The following CFAP69 variants were observed in gnomAD, a reference collection of about 807,000 sequenced individuals.
CFAP69 encodes the protein cilia- and flagella-associated protein 69.
A neutral mutation model predicts 123.0 loss-of-function variants in CFAP69; 92 were observed. The observed-to-expected ratio is 0.75, with a 90% confidence interval of 0.63 to 0.89. The LOEUF (loss-of-function observed/expected upper bound fraction) is 0.89, where lower values mean the gene tolerates loss of function less well. Ranked by LOEUF, CFAP69 falls within the 40% of genes least tolerant of loss-of-function variation. The pLI is 0.00. For synonymous variants in CFAP69, 380 were observed against 364.3 expected (o/e 1.04, Z -0.49); for missense variants, 1,067 against 1,096.9 (o/e 0.97, Z 0.39).
At chr7:90,312,220 C>G (rs1028346825), downstream of CFAP69, among the ~76,000 whole-genome samples, 12 of 152,100 alleles carry the variant, frequency 7.9e-5, no homozygotes, top group Non-Finnish European at 1.8e-4. Context: ...AAGATTCAGC[C>G]AACAAAATAC....
intron 17 of CFAP69, chr7:90,300,581 G>T: frequency 2.4e-6 from 1 of 414,578 alleles, no homozygotes; most frequent in Non-Finnish European, 3.2e-6. Flanking sequence ...AAATTAATGA[G>T]ACTTACAGTA....
chr7:90,287,679 G>C, intron 14 of CFAP69: 1 of 985,454 alleles, frequency 1.0e-6, no homozygotes, highest in Non-Finnish European at 1.2e-6. Context: ...CCTGTGCCTG[G>C]GCTCCTCTGG....
intron 17 of CFAP69, chr7:90,300,279 A>AT: frequency 1.1e-6 from 1 of 925,854 alleles, no homozygotes; most frequent in Non-Finnish European, 1.3e-6. Flanking sequence ...AAGAAATGGT[A>AT]TTTAATTATA....
At chr7:90,258,655 A>T (rs1490692578) in intron 3 of CFAP69, among the ~76,000 whole-genome samples, 1 of 152,236 alleles carries the variant, frequency 6.6e-6, no homozygotes, top group African/African-American at 2.4e-5. Context: ...ACATAGTTAC[A>T]GGTTCCAGGA....
intron 1 of CFAP69, chr7:90,251,922 G>T (rs548119514): frequency 6.6e-6 from 1 of 152,154 alleles, no homozygotes; most frequent in African/African-American, 2.4e-5. Context: ...TCCTGCAATT[G>T]GGGTGGCCCA....
At chr7:90,270,647 T>G (rs1799817708) in intron 6 of CFAP69, among the ~76,000 whole-genome samples, 1 of 152,030 alleles carries the variant, frequency 6.6e-6, no homozygotes, top group Non-Finnish European at 1.5e-5. Flanking sequence ...TAAGACAAAC[T>G]GACAGATACC....
chr7:90,274,087 C>G lies in CFAP69; in HGVS notation c.961C>G (p.Gln321Glu). 6.3e-7 allele frequency: 1 copy of G among 1,597,332 alleles called. No homozygotes were observed. The highest frequency in any genetic ancestry group is 8.5e-7 in the Non-Finnish European group (1 of 1,174,738). Residue 321 changes from glutamine to glutamate, a missense_variant, in exon 9 of 23, where the codon CAA (glutamine) becomes GAA (glutamate). Physicochemically the swap from Gln to Glu is conservative, Grantham distance 29 (BLOSUM62 2). Coordinates refer to ENST00000389297, the MANE Select transcript of CFAP69 (RefSeq NM_001039706.3). ...DILVITTIIAQNPEAPMIECG... is the reference protein window; with the variant it reads ...DILVITTIIAENPEAPMIECG... The stretch of plus-strand genomic sequence containing the variant: ...ATTAGTGATCACTACAATTATAGCT[C>G]AAAATCCTGAAGCACCAATGATTGT...
intron 13 of CFAP69, among the ~76,000 whole-genome samples, chr7:90,285,446 T>G (rs1182962740): frequency 6.6e-6 from 1 of 152,162 alleles, no homozygotes; most frequent in African/African-American, 2.4e-5. Flanking sequence ...AAAAAAATCC[T>G]TTTTGAGGCA....
chr7:90,281,749 A>T (rs1204956068), intron 12 of CFAP69, among the ~76,000 whole-genome samples: 1 of 152,204 alleles, frequency 6.6e-6, no homozygotes, highest in Non-Finnish European at 1.5e-5. Flanking sequence ...ATAAGAAAAG[A>T]TCGATGCATT....
intron 15 of CFAP69, among the ~76,000 whole-genome samples, chr7:90,291,699 C>T (rs577182860): frequency 2.0e-4 from 30 of 152,190 alleles, no homozygotes; most frequent in African/African-American, 7.0e-4. Flanking sequence ...TGATGATATT[C>T]CTGCCTATCT....
At chr7:90,307,300 A>G (rs903765465) in intron 20 of CFAP69, among the ~76,000 whole-genome samples, 4 of 152,238 alleles carry the variant, frequency 2.6e-5, no homozygotes, top group South Asian at 2.1e-4. Context: ...AAGGGGATGG[A>G]TATCCCAATT....
At chr7:90,318,026 C>G in the CFAP69 span, 7 of 152,302 alleles carry the variant, frequency 4.6e-5, no homozygotes, top group South Asian at 1.5e-3. Context: ...AATCTTGAAA[C>G]TGTTCATGTG....
rs1299389994 is a variant in CFAP69 at position 90,294,889 on chromosome 7, G to A, written c.1776-2860G>A. Among the ~76,000 whole-genome samples, 5 of 152,282 alleles carry A rather than the reference G, an allele frequency of 3.3e-5. No homozygotes were observed. The South Asian group carries it at 6.2e-4, about 19-fold the overall frequency. On this transcript the variant is annotated intron_variant, in intron 15 of 22. Transcript: ENST00000389297. ...TCATTCAACTGGTTTGCACAGAGGG[G>A]AAGGGAAGGGAAAAAGGGAAGGGAG...
At chr7:90,245,596 T>C in intron 1 of CFAP69, 52 bp downstream of exon 1, 1 of 1,421,206 alleles carries the variant, frequency 7.0e-7, no homozygotes. Context: ...GAGTGAAGTC[T>C]CGAGACGGGG....
intron 5 of CFAP69, among the ~76,000 whole-genome samples, chr7:90,265,761 C>T (rs1252687516): frequency 6.6e-6 from 1 of 152,102 alleles, no homozygotes; most frequent in Admixed American, 6.5e-5. Context: ...TAGAATTATT[C>T]ATTAAATGAT....
At chr7:90,305,390 A>C (rs1397107321) in intron 19 of CFAP69, among the ~76,000 whole-genome samples, 4 of 151,378 alleles carry the variant, frequency 2.6e-5, no homozygotes, top group Non-Finnish European at 4.4e-5. Context: ...CTAGCAAAAA[A>C]AAAAAAAATT....
At chr7:90,264,151 G>T (rs1300958572) in intron 4 of CFAP69, among the ~76,000 whole-genome samples, 29 of 106,776 alleles carry the variant, frequency 2.7e-4, no homozygotes, top group South Asian at 1.2e-3. Flanking sequence ...ATATATATAT[G>T]AATTAAAAGT....
At chr7:90,292,971 G>C (rs1480607092) in intron 15 of CFAP69, among the ~76,000 whole-genome samples, 2 of 152,122 alleles carry the variant, frequency 1.3e-5, no homozygotes, top group Non-Finnish European at 2.9e-5. Context: ...ACAATTGTTT[G>C]TGGATGACAA....
intron 17 of CFAP69, chr7:90,302,335 A>G (rs1488049720): frequency 1.3e-5 from 2 of 152,062 alleles, no homozygotes; most frequent in East Asian, 1.9e-4. Context: ...ATTAGATCCC[A>G]TTTGTCAATT....
Sources: allele counts gnomAD v4.1 joint callset (sites outside exome capture counted in the v4.1 genomes callset), GRCh38; gene constraint gnomAD v4.1.1; transcripts MANE v1.5; gene names NCBI Gene and HGNC (gene_info 2026-07-23, HGNC 2026-07-21).